The following TNRC6A variants were observed in gnomAD, a reference collection of about 807,000 sequenced individuals.
TNRC6A encodes trinucleotide repeat containing adaptor 6A.
A neutral mutation model predicts 221.2 loss-of-function variants in TNRC6A; 44 were observed. The ratio of observed to expected loss-of-function variants is 0.20; its 90% CI spans 0.16 to 0.26. The LOEUF is 0.26. Among genes scored for constraint, TNRC6A ranks in the 10% least tolerant of loss-of-function variants. The probability of loss-of-function intolerance (pLI) is 1.00; values close to 1 mark genes in which losing one functional copy is unlikely to be tolerated. For synonymous variants in TNRC6A, 847 were observed against 838.5 expected (o/e 1.01, Z -0.18); for missense variants, 2,199 against 2,404.4 (o/e 0.91, Z 1.79).
chr16:24,756,227 A>G (rs2057247212), intron 3 of TNRC6A, among the ~76,000 whole-genome samples: 1 of 152,206 alleles, frequency 6.6e-6, no homozygotes, highest in Non-Finnish European at 1.5e-5. Context: ...ATCTCAGTTC[A>G]GACTAGCCAC....
At chr16:24,669,033 C>T (rs969082993) in intron 2 of TNRC6A, among the ~76,000 whole-genome samples, 5 of 151,542 alleles carry the variant, frequency 3.3e-5, no homozygotes, top group East Asian at 1.9e-4. Flanking sequence ...TTCCACAGTG[C>T]GATCCAGATT....
rs1338803176 is a variant in TNRC6A at position 24,750,764 on chromosome 16, A to G, written c.92A>G (p.Lys31Arg). The G allele has an allele frequency of 6.4e-7, 1 of 1,570,352 alleles. No individual in the cohort carries two copies. Among genetic ancestry groups the G allele is most frequent in the Non-Finnish European group, 8.6e-7 (1 of 1,161,708 alleles). Residue 31 changes from lysine to arginine, a missense_variant, in exon 3 of 25, where the codon AAG becomes AGG. This residue lies in a region of TNRC6A where 1,405 missense variants were observed against 1,400.2 expected (regional missense o/e 1.00). Transcript: ENST00000395799. Reference protein sequence around the residue: ...VQEEEQLMEEKKKKKDDKKKK... With the variant: ...VQEEEQLMEERKKKKDDKKKK... ...GAAGAAGAACAGTTGATGGAAGAAA[A>G]GAAAAAGAAAAAAGACGACAAGAAA... is the stretch of plus-strand genomic sequence containing the variant.
At chr16:24,616,643 G>A (rs1471101233) in intron 1 of TNRC6A, among the ~76,000 whole-genome samples, 1 of 152,118 alleles carries the variant, frequency 6.6e-6, no homozygotes, top group Non-Finnish European at 1.5e-5. Flanking sequence ...TGAAAATAAT[G>A]TGTATGGCCA....
chr16:24,777,471 TTAATG>T (rs2057750732), intron 5 of TNRC6A, 113 bp downstream of exon 5: 7 of 1,034,974 alleles, frequency 6.8e-6, no homozygotes, highest in African/African-American at 1.6e-5. Flanking sequence ...TATGTGGGCT[TTAATG>T]TAAGAGTTCT....
At chr16:24,771,329 A>AG (rs1476781348) in intron 4 of TNRC6A, among the ~76,000 whole-genome samples, 1 of 152,186 alleles carries the variant, frequency 6.6e-6, no homozygotes, top group Non-Finnish European at 1.5e-5. Flanking sequence ...CAGCAGAGGC[A>AG]GTGTGGTTAA....
intron 2 of TNRC6A, among the ~76,000 whole-genome samples, chr16:24,702,364 G>C (rs2142224705): frequency 6.6e-6 from 1 of 151,444 alleles, no homozygotes; most frequent in East Asian, 1.9e-4. Context: ...TTTTTGTAGA[G>C]ATGAGATCTT....
At chr16:24,638,630 T>C (rs1453548898) in intron 1 of TNRC6A, among the ~76,000 whole-genome samples, 1 of 151,870 alleles carries the variant, frequency 6.6e-6, no homozygotes, top group Non-Finnish European at 1.5e-5. Flanking sequence ...GGAGAATCAC[T>C]TGAACCCAGG....
chr16:24,753,216 T>G (rs1364804274), intron 3 of TNRC6A, among the ~76,000 whole-genome samples: 1 of 152,232 alleles, frequency 6.6e-6, no homozygotes, highest in Non-Finnish European at 1.5e-5. Context: ...TGTTGCCCAC[T>G]TCATTCCTGT....
rs34670934 is a variant in TNRC6A at position 24,792,613 on chromosome 16, C to CTTTTTTTT, written c.3175+814_3175+821dup. On this transcript the variant is annotated intron_variant, in intron 6 of 24. Coordinates refer to ENST00000395799, the MANE Select transcript of TNRC6A (RefSeq NM_014494.4). ...ATTTTTTTTAATGAAACATTTATGGCTTTTTTTTTTTTTTTTTTTTTTTTT... is the reference window on the plus strand; with the variant it reads ...ATTTTTTTTAATGAAACATTTATGGCTTTTTTTTTTTTTTTTTTTTTTTTTTTTTTTTT... Among the ~76,000 whole-genome samples the CTTTTTTTT allele has an allele frequency of 3.0e-3, 167 of 56,556 alleles. 9 individuals carry two copies. Among genetic ancestry groups the CTTTTTTTT allele is most frequent in the African/African-American group, 5.9e-3 (72 of 12,300 alleles). The allele number at this position is 56,556 out of a possible 152,430, so 37.1% of individuals were successfully genotyped here. A position where few individuals can be genotyped will look rare whatever the true frequency, so the allele number is the denominator to read the frequency against.
At chr16:24,649,453 T>C (rs1248922665) in intron 2 of TNRC6A, among the ~76,000 whole-genome samples, 2 of 151,948 alleles carry the variant, frequency 1.3e-5, no homozygotes, top group Non-Finnish European at 2.9e-5. Context: ...GGACCACAGA[T>C]GTGCACCACC....
chr16:24,685,266 C>T (rs935310568), intron 2 of TNRC6A, among the ~76,000 whole-genome samples: 3 of 152,102 alleles, frequency 2.0e-5, no homozygotes, highest in African/African-American at 4.8e-5. Flanking sequence ...AAGGTAGTGG[C>T]GTATACACCG....
intron 4 of TNRC6A, among the ~76,000 whole-genome samples, chr16:24,759,623 C>T (rs778920300): frequency 4.6e-5 from 7 of 152,144 alleles, no homozygotes; most frequent in African/African-American, 9.7e-5. Context: ...CTGGTTAAGC[C>T]AGCAAAGGTG....
intron 1 of TNRC6A, among the ~76,000 whole-genome samples, chr16:24,631,002 A>G (rs929056925): frequency 6.6e-6 from 1 of 151,686 alleles, no homozygotes; most frequent in African/African-American, 2.4e-5. Context: ...ATGCTTGTAC[A>G]TACAGATGAA....
At chr16:24,696,022 G>A (rs1193297863) in intron 2 of TNRC6A, among the ~76,000 whole-genome samples, 2 of 152,110 alleles carry the variant, frequency 1.3e-5, no homozygotes, top group African/African-American at 4.8e-5. Context: ...TAATGGTGGA[G>A]AGGAAAAAAC....
At position 24,789,276 on chromosome 16, in the gene TNRC6A, C is replaced by A; in HGVS notation, c.634C>A (p.Arg212=). The A allele has an allele frequency of 6.2e-7, 1 of 1,611,606 alleles. No homozygotes were observed. The highest frequency in any genetic ancestry group is 2.2e-5 in the East Asian group (1 of 44,876). The change falls in exon 6 of 25, where the codon CGG becomes AGG. Residue 212 remains arginine, a synonymous_variant. Coordinates refer to ENST00000395799, the MANE Select transcript of TNRC6A (RefSeq NM_014494.4). ...AGGATCCCATTATGAAAATTCCCAG[C>A]GGGGACCTGTGTCTTCTACAAGTGA... ...TSGSHYENSQ[R]GPVSSTSDSS...
intron 4 of TNRC6A, among the ~76,000 whole-genome samples, chr16:24,768,149 G>A (rs1448880991): frequency 6.6e-6 from 1 of 152,068 alleles, no homozygotes; most frequent in Non-Finnish European, 1.5e-5. Flanking sequence ...AAGTGTGCCT[G>A]GGCCGGGCGC....
chr16:24,804,522 A>G (rs2151979588), intron 12 of TNRC6A, 183 bp from the exon 13 acceptor site: 6 of 1,138,738 alleles, frequency 5.3e-6, no homozygotes, highest in South Asian at 5.1e-5. Context: ...TCTTAATCCC[A>G]TGAAATATGT....
chr16:24,738,077 C>T (rs907116082), intron 2 of TNRC6A, among the ~76,000 whole-genome samples: 1 of 152,150 alleles, frequency 6.6e-6, no homozygotes, highest in African/African-American at 2.4e-5. Context: ...TAATCGTCCT[C>T]GAGCCACGTT....
intron 4 of TNRC6A, among the ~76,000 whole-genome samples, chr16:24,772,163 T>G (rs1409882546): frequency 6.6e-6 from 1 of 152,228 alleles, no homozygotes; most frequent in Non-Finnish European, 1.5e-5. Context: ...TCTTGTCTTT[T>G]GGTAATCTCC....
Sources: gnomAD v4.1 joint callset for allele counts (sites outside exome capture counted in the v4.1 genomes callset) on GRCh38, gnomAD v4.1.1 for gene constraint, gnomAD v4.1.1 regional missense constraint, MANE v1.5 for transcripts, NCBI Gene and HGNC (gene_info 2026-07-23, HGNC 2026-07-21) for gene names.